FBXO25: variants seen among roughly 807,000 people sequenced by gnomAD.
FBXO25 encodes F-box protein 25.
FBXO25 carries 45 observed loss-of-function variants against 51.9 expected under a neutral mutation model. That is an observed-to-expected ratio of 0.87 (90% CI 0.68 to 1.11). FBXO25 has a LOEUF of 1.11. FBXO25 is among the 50% of genes most tolerant of loss of function. The probability of loss-of-function intolerance (pLI) is 0.00; values close to 1 mark genes in which losing one functional copy is unlikely to be tolerated. For synonymous variants in FBXO25, 199 were observed against 151.0 expected, an observed-to-expected ratio of 1.32 and a Z score of -2.33; for missense variants, 507 against 428.5, an observed-to-expected ratio of 1.18 and a Z score of -1.62.
At chr8:409,259 C>T (rs1290173043) in intron 1 of FBXO25, among the ~76,000 whole-genome samples, 2 of 152,142 alleles carry the variant, frequency 1.3e-5, no homozygotes, top group Non-Finnish European at 2.9e-5. Context: ...TTAAGAAAAA[C>T]TTCATTGTGA....
chr8:434,877 G>T (rs529007230), intron 4 of FBXO25, among the ~76,000 whole-genome samples: 65 of 152,270 alleles, frequency 4.3e-4, no homozygotes, highest in Middle Eastern at 6.8e-3. Flanking sequence ...AAAATAAATT[G>T]TTTCATTTTC....
chr8:419,841 CAG>C (rs1797042910), intron 2 of FBXO25, among the ~76,000 whole-genome samples: 1 of 152,036 alleles, frequency 6.6e-6, no homozygotes, highest in Non-Finnish European at 1.5e-5. Context: ...ATTCTACTCT[CAG>C]AGAACACATT....
At chr8:428,219 C>T (rs574525882) in intron 2 of FBXO25, among the ~76,000 whole-genome samples, 1 of 152,216 alleles carries the variant, frequency 6.6e-6, no homozygotes, top group South Asian at 2.1e-4. Context: ...TCAGAGGAAA[C>T]TTGGAATGTC....
At chr8:460,798 T>C (rs1206720943) in intron 8 of FBXO25, among the ~76,000 whole-genome samples, 2 of 152,256 alleles carry the variant, frequency 1.3e-5, no homozygotes, top group African/African-American at 2.4e-5. Context: ...GAAATTAATA[T>C]TAAATATGAA....
At chr8:407,845 C>A (rs909700509) in intron 1 of FBXO25, among the ~76,000 whole-genome samples, 38 of 152,148 alleles carry the variant, frequency 2.5e-4, no homozygotes, top group Non-Finnish European at 7.3e-5. Flanking sequence ...TTGCATCCTT[C>A]CCCTCACAGT....
chr8:431,330 C>G lies in FBXO25; in HGVS notation c.135-11C>G. ...GAAAAAATATTTTAATAGAATGTGT[C>G]TTTATTTCAGTATCTTAAATAGTGA... is the stretch of plus-strand genomic sequence containing the variant. On this transcript the variant is annotated splice_polypyrimidine_tract_variant and intron_variant, in intron 2 of 9. Transcript: ENST00000350302. 1 of 1,341,998 alleles carries G rather than the reference C, an allele frequency of 7.5e-7. No individual in the cohort carries two copies. The highest frequency in any genetic ancestry group is 1.0e-6 in the Non-Finnish European group (1 of 970,426). 83.1% of individuals were successfully genotyped at this position (1,341,998 alleles called of 1,614,324 possible). A position where few individuals can be genotyped will look rare whatever the true frequency, so the allele number is the denominator to read the frequency against.
chr8:419,196 C>G (rs1394888214), intron 2 of FBXO25, among the ~76,000 whole-genome samples: 2 of 149,770 alleles, frequency 1.3e-5, no homozygotes, highest in African/African-American at 4.9e-5. Context: ...CCCGTCTCTA[C>G]TAAAAATACA....
Position 465,117 on chromosome 8 carries a change from G to A in FBXO25, c.987+1967G>A, listed in dbSNP as rs118184366. Among the ~76,000 whole-genome samples, 4 of 152,282 alleles carry A rather than the reference G, an allele frequency of 2.6e-5. No homozygotes were observed. In the East Asian group the frequency reaches 7.7e-4, roughly 29 times the overall value. ...GTAGAAGCCACAGGCAGATGCTTGT[G>A]GACAGAAGGAAAGGGGCCGATTGAG... On this transcript the variant is annotated intron_variant, in intron 9 of 9. Coordinates refer to ENST00000350302, the MANE Select transcript of FBXO25 (RefSeq NM_183420.2).
At chr8:422,600 G>T (rs1797223494) in intron 2 of FBXO25, among the ~76,000 whole-genome samples, 1 of 152,130 alleles carries the variant, frequency 6.6e-6, no homozygotes, top group Non-Finnish European at 1.5e-5. Flanking sequence ...CATGAAGGTG[G>T]GTGGAAACTT....
At chr8:438,894 C>G (rs1798253560) in intron 5 of FBXO25, among the ~76,000 whole-genome samples, 1 of 152,172 alleles carries the variant, frequency 6.6e-6, no homozygotes, top group Non-Finnish European at 1.5e-5. Flanking sequence ...TGCCAGTGGC[C>G]ACGTGTTTAA....
intron 2 of FBXO25, among the ~76,000 whole-genome samples, chr8:425,694 A>C (rs534217699): frequency 6.6e-6 from 1 of 151,976 alleles, no homozygotes. Context: ...TAAATTCTCT[A>C]TATATTTTCC....
At chr8:408,490 C>G (rs1303639854) in intron 1 of FBXO25, among the ~76,000 whole-genome samples, 1 of 152,226 alleles carries the variant, frequency 6.6e-6, no homozygotes, top group Admixed American at 6.5e-5. Context: ...GTGTCTTCAT[C>G]TTTAAAATAC....
At position 449,335 on chromosome 8, in the gene FBXO25, G is replaced by A. The variant is rs539985196; in HGVS notation, c.382-655G>A. On this transcript the variant is annotated intron_variant, in intron 5 of 9. Transcript: ENST00000350302. ...TCCCTGGAGGGGCAGGTGGAGCAGC[G>A]GCGAGGGCCTCGGTCATCATTCCCA... Among the ~76,000 whole-genome samples the A allele has an allele frequency of 2.6e-5, 4 of 152,346 alleles. No homozygotes were observed. In the South Asian group the frequency reaches 8.3e-4, roughly 32 times the overall value.
At chr8:466,158 A>C (rs144017363) in intron 9 of FBXO25, among the ~76,000 whole-genome samples, 17 of 152,322 alleles carry the variant, frequency 1.1e-4, no homozygotes, top group African/African-American at 3.8e-4. Context: ...AAGTATTCAA[A>C]AAGAGCCATC....
intron 2 of FBXO25, among the ~76,000 whole-genome samples, chr8:413,964 G>A (rs887681418): frequency 6.6e-6 from 1 of 152,150 alleles, no homozygotes; most frequent in Non-Finnish European, 1.5e-5. Context: ...GAATTTGGAG[G>A]GCTAGGAAGG....
chr8:466,228 G>A (rs961230639), intron 9 of FBXO25, among the ~76,000 whole-genome samples: 4 of 152,196 alleles, frequency 2.6e-5, no homozygotes, highest in Admixed American at 6.5e-5. Context: ...CATCTCCTCC[G>A]CCGTGGGTTT....
intron 8 of FBXO25, among the ~76,000 whole-genome samples, chr8:460,772 C>G (rs910913147): frequency 6.6e-5 from 10 of 152,208 alleles, no homozygotes; most frequent in Non-Finnish European, 1.3e-4. Context: ...TTAACAGTAC[C>G]TGCCTGGAGG....
Position 474,814 on chromosome 8 carries a change from C to T in FBXO25, c.*6010C>T, listed in dbSNP as rs1304888589. ...GGATTGCCTTTCACTCTGTTTTGTT[C>T]TTTGATGTACAGAAGTTGTTTCTTT... On this transcript the variant is annotated 3_prime_UTR_variant, in exon 10 of 10. Coordinates refer to ENST00000350302, the MANE Select transcript of FBXO25 (RefSeq NM_183420.2). 2.4e-6 allele frequency: 1 copy of T among 414,946 alleles called. No homozygotes were observed. Among genetic ancestry groups the T allele is most frequent in the Non-Finnish European group, 4.7e-6 (1 of 214,072 alleles). The allele number at this position is 414,946 out of a possible 1,614,324, so 25.7% of individuals were successfully genotyped here.
chr8:417,413 G>A (rs759919775), intron 2 of FBXO25, among the ~76,000 whole-genome samples: 2 of 152,210 alleles, frequency 1.3e-5, no homozygotes, highest in Non-Finnish European at 2.9e-5. Flanking sequence ...AGGAGGCGGT[G>A]GATGAGGAAG....
Sources: allele counts gnomAD v4.1 joint callset (sites outside exome capture counted in the v4.1 genomes callset), GRCh38; gene constraint gnomAD v4.1.1; transcripts MANE v1.5; gene names NCBI Gene and HGNC (gene_info 2026-07-23, HGNC 2026-07-21).